The following PARD3B variants were observed in gnomAD, a reference collection of about 807,000 sequenced individuals.
PARD3B encodes the protein par-3 family cell polarity regulator beta, also known as partitioning defective 3 homolog B.
Under a neutral mutation model 130.2 loss-of-function variants are expected in PARD3B, and 103 were observed. That is an observed-to-expected ratio of 0.79 (90% CI 0.67 to 0.93). PARD3B has a LOEUF of 0.93. Among genes scored for constraint, PARD3B ranks in the 40% least tolerant of loss-of-function variants. The pLI is 0.00. For synonymous variants in PARD3B, 583 were observed against 553.2 expected (o/e 1.05, Z -0.76); for missense variants, 1,609 against 1,499.2 (o/e 1.07, Z -1.21).
At chr2:204,709,156 C>G (rs574558269) in intron 2 of PARD3B, among the ~76,000 whole-genome samples, 1 of 152,196 alleles carries the variant, frequency 6.6e-6, no homozygotes, top group South Asian at 2.1e-4. Context: ...AAAAAAAATT[C>G]CGTTTCCAGA....
chr2:204,795,425 C>T (rs1287438328), intron 2 of PARD3B, among the ~76,000 whole-genome samples: 3 of 152,180 alleles, frequency 2.0e-5, no homozygotes, highest in East Asian at 1.9e-4. Context: ...TGACTGGTCA[C>T]GTTTGAGGAT....
chr2:205,438,441 C>A (rs140181903), intron 19 of PARD3B, among the ~76,000 whole-genome samples: 8 of 152,268 alleles, frequency 5.3e-5, no homozygotes, highest in Admixed American at 2.6e-4. Context: ...TGAATGATTT[C>A]TCTTGAAGGC....
intron 16 of PARD3B, among the ~76,000 whole-genome samples, chr2:205,289,406 C>T (rs2041518937): frequency 6.6e-6 from 1 of 152,100 alleles, no homozygotes; most frequent in South Asian, 2.1e-4. Context: ...TGAATATTTG[C>T]TGTTGCCAGG....
chr2:205,232,292 A>G (rs955197734), intron 15 of PARD3B, among the ~76,000 whole-genome samples: 1 of 152,142 alleles, frequency 6.6e-6, no homozygotes, highest in African/African-American at 2.4e-5. Flanking sequence ...GCACACACAC[A>G]GAGTGTAAAT....
At chr2:204,896,405 T>G (rs1412632547) in intron 2 of PARD3B, among the ~76,000 whole-genome samples, 1 of 152,078 alleles carries the variant, frequency 6.6e-6, no homozygotes, top group Non-Finnish European at 1.5e-5. Flanking sequence ...GGCTCTGGAG[T>G]TAAGCTACCT....
intron 4 of PARD3B, among the ~76,000 whole-genome samples, chr2:205,100,394 G>A (rs1456465024): frequency 6.6e-6 from 1 of 151,788 alleles, no homozygotes; most frequent in African/African-American, 2.4e-5. Context: ...ATGATGGTTA[G>A]ATTGTGATAC....
At chr2:204,901,819 C>T (rs1437315396) in intron 2 of PARD3B, among the ~76,000 whole-genome samples, 1 of 152,130 alleles carries the variant, frequency 6.6e-6, no homozygotes, top group Admixed American at 6.5e-5. Flanking sequence ...GGTGATGAAT[C>T]CTTCCAGGAC....
Position 205,230,483 on chromosome 2 carries a change from G to A in PARD3B, c.2141-15295G>A, listed in dbSNP as rs1417474973. ...AGGACTCTGCCCAGTGCCCCCTACT[G>A]TGGTAGAGCTAGGATTCAAGTTGCA... On this transcript the variant is annotated intron_variant, in intron 15 of 22. Transcript: ENST00000406610. This position sits in a 1 kb window ranked among gnomAD's most constrained non-coding sequence, Gnocchi z 4.1. Among the ~76,000 whole-genome samples, 2 of 152,150 alleles carry A rather than the reference G, an allele frequency of 1.3e-5. No homozygotes were observed. Among genetic ancestry groups the A allele is most frequent in the Non-Finnish European group, 2.9e-5 (2 of 68,026 alleles).
intron 18 of PARD3B, among the ~76,000 whole-genome samples, chr2:205,394,287 G>A (rs1267709695): frequency 6.6e-6 from 1 of 152,046 alleles, no homozygotes; most frequent in Non-Finnish European, 1.5e-5. Context: ...TTCAATCTTT[G>A]ATTTCTTAAA....
intron 20 of PARD3B, among the ~76,000 whole-genome samples, chr2:205,493,736 T>G (rs910715072): frequency 7.0e-6 from 1 of 142,602 alleles, no homozygotes; most frequent in African/African-American, 2.6e-5. Flanking sequence ...ATTTATTTAT[T>G]TATTTATTTA....
chr2:205,484,665 A>G (rs1191899968), intron 20 of PARD3B, among the ~76,000 whole-genome samples: 4 of 152,226 alleles, frequency 2.6e-5, no homozygotes, highest in African/African-American at 9.6e-5. Flanking sequence ...GGAATCAGAA[A>G]GCATAGTGTT....
intron 20 of PARD3B, among the ~76,000 whole-genome samples, chr2:205,493,448 C>G (rs2049798744): frequency 6.6e-6 from 1 of 152,050 alleles, no homozygotes; most frequent in Non-Finnish European, 1.5e-5. Context: ...GAAATTCCAC[C>G]CTTTTGTGAG....
At chr2:205,419,827 A>T (rs981808408) in intron 19 of PARD3B, among the ~76,000 whole-genome samples, 4 of 152,196 alleles carry the variant, frequency 2.6e-5, no homozygotes, top group African/African-American at 7.2e-5. Context: ...ATATTTAGTT[A>T]CTTCATTGTG....
intron 2 of PARD3B, among the ~76,000 whole-genome samples, chr2:204,903,439 A>G (rs948382485): frequency 2.0e-5 from 3 of 152,178 alleles, no homozygotes; most frequent in African/African-American, 4.8e-5. Flanking sequence ...GTTTTGTTTT[A>G]TATTACCACA....
At chr2:205,587,774 C>T (rs190824065) in intron 22 of PARD3B, among the ~76,000 whole-genome samples, 3 of 152,338 alleles carry the variant, frequency 2.0e-5, no homozygotes, top group Admixed American at 6.5e-5. Flanking sequence ...CTTCATCACA[C>T]GGAAAAGAGC....
intron 10 of PARD3B, among the ~76,000 whole-genome samples, chr2:205,152,871 G>GT (rs999432971): frequency 2.6e-4 from 39 of 152,154 alleles, no homozygotes; most frequent in African/African-American, 9.4e-4. Flanking sequence ...TTTCTGCTCT[G>GT]TTTTTTCCCC....
chr2:204,800,414 C>T (rs1382403479), intron 2 of PARD3B, among the ~76,000 whole-genome samples: 1 of 151,584 alleles, frequency 6.6e-6, no homozygotes, highest in Non-Finnish European at 1.5e-5. Context: ...AGTTAGTGGC[C>T]TCAAAAAGTC....
intron 20 of PARD3B, among the ~76,000 whole-genome samples, chr2:205,474,704 A>G (rs980888781): frequency 6.6e-6 from 1 of 152,196 alleles, no homozygotes; most frequent in Non-Finnish European, 1.5e-5. Context: ...GGCTTGAAAC[A>G]TATTGCCAAC....
At position 204,932,725 on chromosome 2, in the gene PARD3B, A is replaced by T. The variant is rs183784638; in HGVS notation, c.223-32427A>T. On this transcript the variant is annotated intron_variant, in intron 2 of 22. Coordinates refer to ENST00000406610, the MANE Select transcript of PARD3B (RefSeq NM_001302769.2). ...TGTGTAATGTTTTATGGTGAAAATAAGTATGTTTATCAAAGAAAAGGTAGA... is the reference window on the plus strand; with the variant it reads ...TGTGTAATGTTTTATGGTGAAAATATGTATGTTTATCAAAGAAAAGGTAGA... Among the ~76,000 whole-genome samples the T allele has an allele frequency of 2.1e-3, 317 of 152,308 alleles. 2 individuals are homozygous for T. The highest frequency in any genetic ancestry group is 7.4e-3 in the African/African-American group (309 of 41,584).
Sources: allele counts gnomAD v4.1 joint callset (sites outside exome capture counted in the v4.1 genomes callset), GRCh38; gene constraint gnomAD v4.1.1; non-coding constraint Gnocchi (gnomAD v3.1); transcripts MANE v1.5; gene names NCBI Gene and HGNC (gene_info 2026-07-23, HGNC 2026-07-21).